Variants in ANKRD17 observed in about 807,000 individuals in gnomAD.
The protein encoded by ANKRD17 is ankyrin repeat domain 17.
In ANKRD17, 19 loss-of-function variants were observed where a neutral mutation model predicts 229.7. The observed-to-expected ratio is 0.08, with a 90% CI of 0.06 to 0.12. The LOEUF is 0.12. Among genes scored for constraint, ANKRD17 ranks in the 10% least tolerant of loss-of-function variants. The pLI is 1.00. For missense variants in ANKRD17, 2,176 were observed against 3,176.8 expected (o/e 0.68, Z 7.57); for synonymous variants, 1,112 against 1,146.1 (o/e 0.97, Z 0.60).
chr4:73,170,215 G>A (rs567097833), intron 2 of ANKRD17, among the ~76,000 whole-genome samples: 1 of 152,064 alleles, frequency 6.6e-6, no homozygotes, highest in South Asian at 2.1e-4. Flanking sequence ...ACTTGGTCTT[G>A]CATCTTGGAT....
At chr4:73,172,818 ACAAAAAATAAAAAG>A in intron 2 of ANKRD17, among the ~76,000 whole-genome samples, 1 of 152,336 alleles carries the variant, frequency 6.6e-6, no homozygotes, top group South Asian at 2.1e-4. Flanking sequence ...TACAATAGAT[ACAAAAAATAAAAAG>A]CAAGAAATTA....
intron 29 of ANKRD17, among the ~76,000 whole-genome samples, chr4:73,086,919 AATAT>A (rs61024099): frequency 0.022 from 275 of 12,452 alleles, 32 homozygotes; most frequent in Non-Finnish European, 0.041. Flanking sequence ...AAAAAAAAAA[AATAT>A]ATATATATAT....
chr4:73,195,653 C>T (rs558591865), intron 1 of ANKRD17, among the ~76,000 whole-genome samples: 4 of 151,876 alleles, frequency 2.6e-5, no homozygotes, highest in East Asian at 1.9e-4. Context: ...AGACTACAGG[C>T]GCATACCACC....
rs1225778198 is a variant in ANKRD17 at position 73,091,466 on chromosome 4, C to T, written c.6162G>A (p.Gly2054=). 2 of 1,614,004 alleles carry T rather than the reference C, an allele frequency of 1.2e-6. No homozygotes were observed. Among genetic ancestry groups the T allele is most frequent in the Non-Finnish European group, 1.7e-6 (2 of 1,179,974 alleles). Residue 2054 remains glycine (G), a synonymous_variant, in exon 29 of 34, where the codon GGG becomes GGA. Transcript: ENST00000358602. ...SSPSPPAQPG[G]VSRNSPLDCG... Reference sequence around the variant, plus strand: ...AATCCAAAGGGCTGTTTCTAGAAACCCCTCCTGGCTGGGCTGGTGGTGATG... The same window carrying T: ...AATCCAAAGGGCTGTTTCTAGAAACTCCTCCTGGCTGGGCTGGTGGTGATG...
At chr4:73,252,618 T>A (rs1560791317) in intron 1 of ANKRD17, among the ~76,000 whole-genome samples, 1 of 152,138 alleles carries the variant, frequency 6.6e-6, no homozygotes, top group Non-Finnish European at 1.5e-5. Context: ...ATCTTTTGTT[T>A]AATATCAGAG....
At chr4:73,142,480 C>T in intron 12 of ANKRD17, 95 bp from the exon 13 acceptor site, 1 of 1,563,418 alleles carries the variant, frequency 6.4e-7, no homozygotes, top group Non-Finnish European at 8.7e-7. Context: ...GTCCCAGACG[C>T]ATTAAAATCA....
At chr4:73,158,093 A>AGGAAAGAAAGGAAGGAAAGAAGGAG (rs1207571429) in intron 3 of ANKRD17, among the ~76,000 whole-genome samples, 2 of 151,568 alleles carry the variant, frequency 1.3e-5, no homozygotes, top group Non-Finnish European at 2.9e-5. Flanking sequence ...TCCATCTTGA[A>AGGAAAGAAAGGAAGGAAAGAAGGAG]GGAAAGAAAG....
intron 1 of ANKRD17, among the ~76,000 whole-genome samples, chr4:73,200,872 T>A (rs1482053982): frequency 6.6e-6 from 1 of 151,160 alleles, no homozygotes; most frequent in Admixed American, 6.6e-5. Flanking sequence ...TTCAGATGCC[T>A]CCACCTCAAT....
chr4:73,203,980 A>C (rs1739077859), intron 1 of ANKRD17, among the ~76,000 whole-genome samples: 1 of 152,142 alleles, frequency 6.6e-6, no homozygotes, highest in African/African-American at 2.4e-5. Context: ...TGTGCACAGA[A>C]AGGAAGATAA....
At chr4:73,242,226 T>C (rs917256881) in intron 1 of ANKRD17, among the ~76,000 whole-genome samples, 1 of 151,928 alleles carries the variant, frequency 6.6e-6, no homozygotes, top group Admixed American at 6.6e-5. Flanking sequence ...GACATTTGAG[T>C]CAGAAAATTC....
intron 1 of ANKRD17, among the ~76,000 whole-genome samples, chr4:73,235,159 C>G (rs886254891): frequency 1.3e-5 from 2 of 152,124 alleles, no homozygotes; most frequent in African/African-American, 2.4e-5. Context: ...CATCATCCCT[C>G]TTTTTTATGG....
chr4:73,176,041 AT>A (rs1734691740), intron 2 of ANKRD17, among the ~76,000 whole-genome samples: 2 of 152,204 alleles, frequency 1.3e-5, no homozygotes, highest in East Asian at 3.9e-4. Context: ...GGGAGAAAAT[AT>A]TTGCAAACTA....
At chr4:73,157,836 T>C (rs1420539060) in intron 3 of ANKRD17, among the ~76,000 whole-genome samples, 2 of 152,114 alleles carry the variant, frequency 1.3e-5, no homozygotes, top group African/African-American at 4.8e-5. Flanking sequence ...ACGCCTGTAA[T>C]CCCAGCACTT....
At chr4:73,196,829 C>T (rs550330199) in intron 1 of ANKRD17, among the ~76,000 whole-genome samples, 24 of 152,124 alleles carry the variant, frequency 1.6e-4, no homozygotes, top group Admixed American at 1.6e-3. Context: ...AAATGGGAGC[C>T]AATGGACAGT....
At chr4:73,121,590 G>T (rs1259875077) in intron 19 of ANKRD17, 27 bp downstream of exon 19, 1 of 1,612,362 alleles carries the variant, frequency 6.2e-7, no homozygotes, top group South Asian at 1.1e-5. Flanking sequence ...CTAAATAAGG[G>T]GCTTACAGAA....
At chr4:73,087,563 A>C (rs974836944) in intron 29 of ANKRD17, among the ~76,000 whole-genome samples, 1 of 152,200 alleles carries the variant, frequency 6.6e-6, no homozygotes, top group Non-Finnish European at 1.5e-5. Flanking sequence ...ACAGAGGGAG[A>C]CCAAAGACAC....
intron 3 of ANKRD17, among the ~76,000 whole-genome samples, chr4:73,160,510 G>A (rs1732391349): frequency 6.6e-6 from 1 of 152,088 alleles, no homozygotes; most frequent in African/African-American, 2.4e-5. Context: ...GAGCTACCAT[G>A]CCTGGCTTCC....
Position 73,120,899 on chromosome 4 carries a change from A to C in ANKRD17, c.3831T>G (p.Asn1277Lys). The change falls in exon 20 of 34, where the codon AAT becomes AAG. Residue 1277 changes from asparagine to lysine, a missense_variant. By Grantham distance (94) the Asn-to-Lys change is moderately conservative (BLOSUM62 0). Around this residue, in one of 18 missense-constraint regions of ANKRD17, gnomAD observed 178 missense variants for 421.7 expected, o/e 0.42. Transcript: ENST00000358602. ...TTCTTACCTTAGCTCTGTGTTCAACATTTGCTTTTCTATCAAGCAGAAGAC... is the reference window on the plus strand; with the variant it reads ...TTCTTACCTTAGCTCTGTGTTCAACCTTTGCTTTTCTATCAAGCAGAAGAC... Reference protein sequence around the residue: ...VVSLLLDRKANVEHRAKTGLT... With the variant: ...VVSLLLDRKAKVEHRAKTGLT... The C allele has an allele frequency of 6.2e-7, 1 of 1,613,398 alleles. No individual in the cohort carries two copies. The highest frequency in any genetic ancestry group is 8.5e-7 in the Non-Finnish European group (1 of 1,179,766).
intron 1 of ANKRD17, among the ~76,000 whole-genome samples, chr4:73,257,772 A>G (rs1299824610): frequency 6.6e-6 from 1 of 152,060 alleles, no homozygotes; most frequent in Non-Finnish European, 1.5e-5. Context: ...ATACACAAAC[A>G]CTTAGCTCTG....
Sources: allele counts gnomAD v4.1 joint callset (sites outside exome capture counted in the v4.1 genomes callset), GRCh38; gene constraint gnomAD v4.1.1; regional missense constraint gnomAD v4.1.1; transcripts MANE v1.5; gene names NCBI Gene and HGNC (gene_info 2026-07-23, HGNC 2026-07-21).